Variants in COL4A4 observed in about 807,000 individuals in gnomAD.
COL4A4 encodes the protein collagen alpha-4(IV) chain.
A neutral mutation model predicts 192.9 loss-of-function variants in COL4A4; 105 were observed. The ratio of observed to expected loss-of-function variants is 0.54; its 90% CI spans 0.46 to 0.64. The LOEUF (loss-of-function observed/expected upper bound fraction) is 0.64, where lower values mean the gene tolerates loss of function less well. Ranked by LOEUF, COL4A4 falls within the 30% of genes least tolerant of loss-of-function variation. COL4A4 has a pLI of 0.00. For missense variants in COL4A4, 1,967 were observed against 2,169.3 expected (o/e 0.91, Z 1.85); for synonymous variants, 762 against 769.9 (o/e 0.99, Z 0.17).
chr2:227,140,071 T>G (rs2063097719), intron 4 of COL4A4, 90 bp downstream of exon 4: 1 of 1,156,448 alleles, frequency 8.6e-7, no homozygotes, highest in Non-Finnish European at 1.3e-6. Context: ...GGACTAAAAT[T>G]TGCCAAGAAT....
intron 32 of COL4A4, 94 bp from the exon 33 acceptor site, chr2:227,051,252 G>A (rs1239691117): frequency 4.6e-6 from 6 of 1,294,554 alleles, no homozygotes; most frequent in Non-Finnish European, 6.7e-6. Flanking sequence ...AGGAGATAAA[G>A]CCAAAGGTAT....
In COL4A4 at chr2:227,007,486, G is replaced by C. The variant is rs755824478; in HGVS notation, c.4912C>G (p.Gln1638Glu). 9 of 1,614,012 alleles carry C rather than the reference G, an allele frequency of 5.6e-6. No homozygotes were observed. Among genetic ancestry groups the C allele is most frequent in the Non-Finnish European group, 2.5e-6 (3 of 1,180,046 alleles). ...TTTGCGAAAAAGTGGCAAGTTCCCT[G>C]CCGGCCCTGGCATTCAAGGAATGGT... ...AAPFLECQGR[Q>E]GTCHFFANKY... Residue 1638 changes from glutamine (Q) to glutamate (E), a missense_variant, in exon 48 of 48, where the codon CAG becomes GAG. Gln to Glu is a conservative substitution (Grantham distance 29, BLOSUM62 2). Coordinates refer to ENST00000396625, the MANE Select transcript of COL4A4 (RefSeq NM_000092.5).
chr2:227,064,824 A>G (rs1236655908), intron 25 of COL4A4, among the ~76,000 whole-genome samples: 2 of 152,262 alleles, frequency 1.3e-5, no homozygotes, highest in African/African-American at 4.8e-5. Flanking sequence ...TCATTTTCAG[A>G]CAAGCAAATG....
chr2:227,112,272 CT>C (rs544939081), intron 8 of COL4A4, among the ~76,000 whole-genome samples: 2,316 of 144,478 alleles, frequency 0.016, 39 homozygotes, highest in African/African-American at 0.05. Flanking sequence ...ACATTTCAAC[CT>C]TTTTTTTTTT....
Position 227,079,733 on chromosome 2 carries a change from T to C in COL4A4, c.1803+710A>G, listed in dbSNP as rs374036638. Among the ~76,000 whole-genome samples, 35 of 152,340 alleles carry C rather than the reference T, an allele frequency of 2.3e-4. No individual in the cohort carries two copies. In the South Asian group the frequency reaches 6.6e-3, roughly 29 times the overall value. On this transcript the variant is annotated intron_variant, in intron 24 of 47. Transcript: ENST00000396625. ...TTGAATATCAGATGCTAAGCCTCCA[T>C]TTTCTTACTGTAAAATTGGAAAGGT...
At chr2:227,088,351 AG>A (rs1457200051) in intron 22 of COL4A4, among the ~76,000 whole-genome samples, 1 of 152,002 alleles carries the variant, frequency 6.6e-6, no homozygotes, top group East Asian at 1.9e-4. Context: ...GATCATGGGG[AG>A]GGTTTCCCCC....
chr2:227,118,615 TC>T, intron 7 of COL4A4, 29 bp downstream of exon 7: 2 of 1,499,772 alleles, frequency 1.3e-6, no homozygotes, highest in Non-Finnish European at 1.9e-6. Context: ...CACTTAAGAT[TC>T]CTGTTAAGAT....
chr2:227,084,334 GA>G (rs2059473094), intron 22 of COL4A4, among the ~76,000 whole-genome samples: 1 of 152,068 alleles, frequency 6.6e-6, no homozygotes. Context: ...TCCAGAAAGA[GA>G]AAAAAGTGGA....
chr2:226,980,536 C>A, the COL4A4 span, among the ~76,000 whole-genome samples: 2 of 152,170 alleles, frequency 1.3e-5, no homozygotes, highest in Non-Finnish European at 2.9e-5. Context: ...CCTGAAGACA[C>A]CCCTCGTGTT....
chr2:227,114,767 T>A, intron 7 of COL4A4, 71 bp from the exon 8 acceptor site: 1 of 1,244,430 alleles, frequency 8.0e-7, no homozygotes, highest in Non-Finnish European at 1.2e-6. Context: ...CTTTTCTATA[T>A]AAAATATAAC....
rs765071781 is a variant in COL4A4, at chr2:227,032,211, G to A, written c.3643C>T (p.Pro1215Ser). Residue 1215 changes from proline (P) to serine (S), a missense_variant, in exon 39 of 48, where the codon CCT (proline) becomes TCT (serine). Coordinates refer to ENST00000396625, the MANE Select transcript of COL4A4 (RefSeq NM_000092.5). Reference sequence around the variant, plus strand: ...GGAGGAGAGATTCCTGGGCTCCCAGGGTCTCCTCTCTCCCCTTTTAGCCCA... The same window carrying A: ...GGAGGAGAGATTCCTGGGCTCCCAGAGTCTCCTCTCTCCCCTTTTAGCCCA... The part of the protein sequence containing the change: ...IPGLKGERGD[P>S]GSPGISPPGP... 18 of 1,613,964 alleles carry A rather than the reference G, an allele frequency of 1.1e-5. 1 individual carries two copies. In the South Asian group the frequency reaches 1.9e-4, roughly 17 times the overall value.
rs748011297 is a variant in COL4A4 at position 227,054,666 on chromosome 2, C to T, written c.2788G>A (p.Gly930Ser). Residue 930 changes from glycine to serine, a missense_variant, in exon 31 of 48, where the codon GGC becomes AGC. By Grantham distance (56) the Gly-to-Ser change is moderately conservative. Coordinates refer to ENST00000396625, the MANE Select transcript of COL4A4 (RefSeq NM_000092.5). Reference protein sequence around the residue: ...RGKPGAEGCPGAKGEPGEKGM... With the variant: ...RGKPGAEGCPSAKGEPGEKGM... ...TTCTCTCCAGGTTCTCCCTTTGCGC[C>T]AGGACATCCCTCTGCACCAGGCTTT... 8 of 1,614,126 alleles carry T rather than the reference C, an allele frequency of 5.0e-6. No homozygotes were observed. The Middle Eastern group carries it at 4.9e-4, about 99-fold the overall frequency.
chr2:227,070,547 C>T (rs1576307943), intron 25 of COL4A4, among the ~76,000 whole-genome samples: 1 of 152,008 alleles, frequency 6.6e-6, no homozygotes, highest in Non-Finnish European at 1.5e-5. Flanking sequence ...CCATAAAAAA[C>T]AATGAGTGCA....
chr2:227,130,041 C>T (rs911423271), intron 4 of COL4A4, among the ~76,000 whole-genome samples: 1 of 152,178 alleles, frequency 6.6e-6, no homozygotes, highest in African/African-American at 2.4e-5. Context: ...CCAGGAGCCT[C>T]CCCTATTGCA....
At chr2:226,985,446 A>G in the COL4A4 span, among the ~76,000 whole-genome samples, 10 of 152,354 alleles carry the variant, frequency 6.6e-5, no homozygotes, top group African/African-American at 2.2e-4. Flanking sequence ...TCTGCTTACG[A>G]TGCGGAATGC....
chr2:227,028,110 A>T lies in COL4A4; in HGVS notation c.3974-101T>A, dbSNP rs1967381587. 7.1e-6 allele frequency: 6 copies of T among 846,478 alleles called. No homozygotes were observed. In the East Asian group the frequency reaches 1.6e-4, roughly 22 times the overall value. The allele number at this position is 846,478 out of a possible 1,614,324, so 52.4% of individuals were successfully genotyped here. ...GAATTCAGAGATTCACTCCAACAAAATGCAGGGCATAGCTAGCCTGAGAGT... is the reference window on the plus strand; with the variant it reads ...GAATTCAGAGATTCACTCCAACAAATTGCAGGGCATAGCTAGCCTGAGAGT... On this transcript the variant is annotated intron_variant, in intron 41 of 47. Transcript: ENST00000396625.
intron 26 of COL4A4, 92 bp from the exon 27 acceptor site, chr2:227,060,335 C>G: frequency 1.1e-6 from 1 of 881,598 alleles, no homozygotes; most frequent in South Asian, 1.4e-5. Flanking sequence ...ATGTTAAGTC[C>G]TTTTAGAATA....
At chr2:227,047,905 C>G (rs1973228985) in intron 34 of COL4A4, among the ~76,000 whole-genome samples, 1 of 152,030 alleles carries the variant, frequency 6.6e-6, no homozygotes, top group Non-Finnish European at 1.5e-5. Context: ...TTTTAGAAAC[C>G]AAAATCAAAA....
intron 9 of COL4A4, among the ~76,000 whole-genome samples, chr2:227,110,189 C>T (rs1405949898): frequency 6.6e-6 from 1 of 152,084 alleles, no homozygotes; most frequent in Non-Finnish European, 1.5e-5. Context: ...TCCCCGGGCT[C>T]CTGCTGACTC....
Sources: allele counts gnomAD v4.1 joint callset (sites outside exome capture counted in the v4.1 genomes callset), GRCh38; gene constraint gnomAD v4.1.1; transcripts MANE v1.5; gene names NCBI Gene and HGNC (gene_info 2026-07-23, HGNC 2026-07-21).